Variants in SUPT7L observed in about 807,000 individuals in gnomAD.
The protein encoded by SUPT7L is SPT7 like, STAGA complex subunit gamma.
In SUPT7L, 15 loss-of-function variants were observed where a neutral mutation model predicts 35.7. That is an observed-to-expected ratio of 0.42 (90% CI 0.28 to 0.65). The LOEUF is 0.65. Among genes scored for constraint, SUPT7L ranks in the 30% least tolerant of loss-of-function variants. The pLI is 0.23. For missense variants in SUPT7L, 434 were observed against 522.2 expected, an observed-to-expected ratio of 0.83 and a Z score of 1.65; for synonymous variants, 168 against 186.2, an observed-to-expected ratio of 0.90 and a Z score of 0.79.
chr2:27,659,162 A>C (rs531503356), intron 3 of SUPT7L, among the ~76,000 whole-genome samples: 2 of 152,244 alleles, frequency 1.3e-5, no homozygotes, highest in Non-Finnish European at 2.9e-5. Flanking sequence ...TATGCTGTGC[A>C]TGTAATAACA....
chr2:27,662,986 C>T (rs1675195230), intron 1 of SUPT7L, among the ~76,000 whole-genome samples: 2 of 143,122 alleles, frequency 1.4e-5, no homozygotes, highest in Admixed American at 7.1e-5. Context: ...CAGGGTCTCG[C>T]CATGTTGCCC....
the SUPT7L span, among the ~76,000 whole-genome samples, chr2:27,642,990 C>T: frequency 5.4e-3 from 809 of 150,912 alleles, 10 homozygotes; most frequent in African/African-American, 0.019. Flanking sequence ...CACACACACA[C>T]ACACATACAT....
chr2:27,647,867 T>G (rs140148902), downstream of SUPT7L: 12 of 1,613,308 alleles, frequency 7.4e-6, no homozygotes, highest in African/African-American at 1.6e-4. Context: ...ACCCTTCTGA[T>G]TTGATCCTGA....
downstream of SUPT7L, among the ~76,000 whole-genome samples, chr2:27,648,788 A>T (rs1674365803): frequency 6.6e-6 from 1 of 152,108 alleles, no homozygotes; most frequent in Non-Finnish European, 1.5e-5. Flanking sequence ...GGCACATGCC[A>T]TCACAGCTGG....
chr2:27,655,471 C>A lies in SUPT7L; in HGVS notation c.876G>T (p.Glu292Asp), dbSNP rs775137219. The change falls in exon 5 of 6, where the codon GAG becomes GAT. Residue 292 changes from glutamate to aspartate, a missense_variant. Physicochemically the swap from Glu to Asp is conservative, Grantham distance 45. Transcript: ENST00000337768. ...DITFPVSEEL[E>D]ADLASGDQSL... Reference sequence around the variant, plus strand: ...ACTGGTCTCCAGAAGCAAGGTCAGCCTCCAGCTCCTCACTGACAGGAAAAG... The same window carrying A: ...ACTGGTCTCCAGAAGCAAGGTCAGCATCCAGCTCCTCACTGACAGGAAAAG... The A allele has an allele frequency of 6.2e-7, 1 of 1,614,158 alleles. No homozygotes were observed. The highest frequency in any genetic ancestry group is 1.7e-5 in the Admixed American group (1 of 60,016).
At chr2:27,648,737 G>C (rs1674364417), downstream of SUPT7L, among the ~76,000 whole-genome samples, 1 of 152,156 alleles carries the variant, frequency 6.6e-6, no homozygotes, top group Non-Finnish European at 1.5e-5. Flanking sequence ...CCGGGTTCAA[G>C]TGATTCTCCC....
At chr2:27,646,135 G>A (rs946666382), downstream of SUPT7L, among the ~76,000 whole-genome samples, 4 of 152,146 alleles carry the variant, frequency 2.6e-5, no homozygotes, top group Non-Finnish European at 5.9e-5. Context: ...TCCGCCTCCC[G>A]GGTTCAAGCG....
chr2:27,654,850 G>A (rs1248799748), intron 5 of SUPT7L, among the ~76,000 whole-genome samples: 1 of 152,116 alleles, frequency 6.6e-6, no homozygotes, highest in East Asian at 1.9e-4. Context: ...ACAGGCGTGA[G>A]CCACTGCGCC....
At chr2:27,649,991 T>C, downstream of SUPT7L, 1 of 600,386 alleles carries the variant, frequency 1.7e-6, no homozygotes, top group East Asian at 2.8e-5. Flanking sequence ...CATTTCCTTT[T>C]TGAGGGAAGT....
the SUPT7L span, among the ~76,000 whole-genome samples, chr2:27,645,365 A>G: frequency 1.3e-5 from 2 of 152,248 alleles, no homozygotes; most frequent in Non-Finnish European, 2.9e-5. Context: ...ATGTTTCAAT[A>G]TCTGCTAGAT....
chr2:27,660,142 A>C (rs142561016), intron 3 of SUPT7L, among the ~76,000 whole-genome samples: 7 of 152,194 alleles, frequency 4.6e-5, no homozygotes, highest in Admixed American at 4.6e-4. Flanking sequence ...GAGATTCTGC[A>C]TATCTAAAAA....
intron 3 of SUPT7L, 21 bp downstream of exon 3, chr2:27,660,963 T>C (rs370543369): frequency 1.9e-6 from 3 of 1,601,072 alleles, no homozygotes; most frequent in East Asian, 2.2e-5. Context: ...AAAAGTAAGA[T>C]ACAGCAAAGC....
Position 27,653,677 on chromosome 2 carries a change from T to G in SUPT7L, c.1053A>C (p.Glu351Asp), listed in dbSNP as rs759289929. The change falls in exon 6 of 6, where the codon GAA becomes GAC. Residue 351 changes from glutamate (E) to aspartate (D), a missense_variant. Glu to Asp is a conservative substitution (Grantham distance 45). Transcript: ENST00000337768. ...HVKMEPQESE[E>D]GNVSGHGVLG... ...GCACACCATGCCCAGAGACATTGCC[T>G]TCTTCACTTTCTTGAGGCTCCATTT... 9.3e-6 allele frequency: 15 copies of G among 1,614,094 alleles called. No homozygotes were observed. The East Asian group carries it at 2.9e-4, about 31-fold the overall frequency.
At chr2:27,655,728 T>C (rs1674773704) in intron 4 of SUPT7L, 126 bp from the exon 5 acceptor site, 10 of 815,940 alleles carry the variant, frequency 1.2e-5, no homozygotes, top group Non-Finnish European at 1.7e-5. Context: ...TCACTGCCAA[T>C]GGGAGGGATT....
At chr2:27,645,220 C>T in the SUPT7L span, among the ~76,000 whole-genome samples, 1 of 152,182 alleles carries the variant, frequency 6.6e-6, no homozygotes, top group East Asian at 1.9e-4. Flanking sequence ...GTCCTCCTGT[C>T]TTGGCCTCCC....
In SUPT7L at chr2:27,653,271, T is replaced by C; in HGVS notation, c.*214A>G. 3.3e-6 allele frequency: 2 copies of C among 599,656 alleles called. No individual in the cohort carries two copies. Among genetic ancestry groups the C allele is most frequent in the South Asian group, 4.2e-5 (2 of 48,144 alleles). 37.1% of individuals were successfully genotyped at this position (599,656 alleles called of 1,614,324 possible). A position where few individuals can be genotyped will look rare whatever the true frequency, so the allele number is the denominator to read the frequency against. On this transcript the variant is annotated 3_prime_UTR_variant, in exon 6 of 6. Transcript: ENST00000337768. ...TGCCATGCCAGCATCATATTTTATC[T>C]GTGAAGGGTGGCTTGGTTGTGGAAA...
At chr2:27,660,068 A>G (rs2148120212) in intron 3 of SUPT7L, among the ~76,000 whole-genome samples, 1 of 152,290 alleles carries the variant, frequency 6.6e-6, no homozygotes, top group African/African-American at 2.4e-5. Flanking sequence ...TTAAATGCAC[A>G]TACAAATCTC....
downstream of SUPT7L, chr2:27,647,701 AT>A: frequency 1.6e-6 from 1 of 612,282 alleles, no homozygotes; most frequent in South Asian, 1.9e-5. Context: ...TTAACAATAC[AT>A]TTAGAAGAGG....
downstream of SUPT7L, among the ~76,000 whole-genome samples, chr2:27,649,026 C>G (rs1023785465): frequency 1.3e-5 from 2 of 151,492 alleles, no homozygotes; most frequent in East Asian, 4.0e-4. Flanking sequence ...GGCGGATCAC[C>G]TGAGGCCAGG....
Sources: gnomAD v4.1 joint callset for allele counts (sites outside exome capture counted in the v4.1 genomes callset) on GRCh38, gnomAD v4.1.1 for gene constraint, MANE v1.5 for transcripts, NCBI Gene and HGNC (gene_info 2026-07-23, HGNC 2026-07-21) for gene names.